Variants in PPP2R1A observed in about 807,000 individuals in gnomAD.
PPP2R1A encodes the protein serine/threonine-protein phosphatase 2A 65 kDa regulatory subunit A alpha isoform.
A neutral mutation model predicts 67.1 loss-of-function variants in PPP2R1A; 15 were observed. That is an observed-to-expected ratio of 0.22 (90% CI 0.15 to 0.34). The LOEUF (loss-of-function observed/expected upper bound fraction) is 0.34, where lower values mean the gene tolerates loss of function less well. Among genes scored for constraint, PPP2R1A ranks in the 10% least tolerant of loss-of-function variants. The pLI, the probability that PPP2R1A is intolerant of heterozygous loss-of-function variation, is 1.00. For missense variants in PPP2R1A, 369 were observed against 775.0 expected (o/e 0.48, Z 6.22); for synonymous variants, 337 against 325.0 (o/e 1.04, Z -0.40).
chr19:52,208,522 CAG>C lies in PPP2R1A; in HGVS notation c.270+2462_270+2463del, dbSNP rs1275009737. 2.7e-5 allele frequency among the ~76,000 whole-genome samples: 4 copies of C among 150,628 alleles called. No homozygotes were observed. In the East Asian group the frequency reaches 8.0e-4, roughly 30 times the overall value. On this transcript the variant is annotated intron_variant, in intron 3 of 14. Transcript: ENST00000322088. The stretch of plus-strand genomic sequence containing the variant: ...TTTTTATTTTTATTTTTCTTTGAGA[CAG>C]AGTCTCGCTCTGTCACCCAGGCTGG...
chr19:52,201,056 A>G (rs1337110830), intron 1 of PPP2R1A: 1 of 151,510 alleles, frequency 6.6e-6, no homozygotes, highest in South Asian at 2.1e-4. Flanking sequence ...CCCTCCGTTT[A>G]GGATGATATT....
intron 13 of PPP2R1A, among the ~76,000 whole-genome samples, chr19:52,223,050 A>C (rs1354370026): frequency 6.6e-6 from 1 of 152,222 alleles, no homozygotes; most frequent in Non-Finnish European, 1.5e-5. Flanking sequence ...ATGACACCAC[A>C]ATAATTAAAA....
At position 52,211,697 on chromosome 19, in the gene PPP2R1A, T is replaced by C. The variant is rs1461932169; in HGVS notation, c.503+205T>C. The C allele has an allele frequency of 5.1e-6, 3 of 594,048 alleles. No homozygotes were observed. Among genetic ancestry groups the C allele is most frequent in the Non-Finnish European group, 5.9e-6 (2 of 337,014 alleles). 36.8% of individuals were successfully genotyped at this position (594,048 alleles called of 1,614,324 possible). A position where few individuals can be genotyped will look rare whatever the true frequency, so the allele number is the denominator to read the frequency against. ...GTCAGTTTACCCACCTCTGCCCCCT[T>C]GCTCACTTAGGAATTGAGATGATGA... On this transcript the variant is annotated intron_variant, in intron 4 of 14. Transcript: ENST00000322088. The surrounding 1 kb of genome is among the most constrained non-coding windows in gnomAD (Gnocchi z 5.3).
In PPP2R1A at chr19:52,216,029, C is replaced by T. The variant is rs1390331017; in HGVS notation, c.948C>T (p.Asp316=). ...AGTTCTGTGAAAACCTCTCAGCTGACTGTCGGGAGAATGTGATCATGTCCC... is the reference window on the plus strand; with the variant it reads ...AGTTCTGTGAAAACCTCTCAGCTGATTGTCGGGAGAATGTGATCATGTCCC... The part of the protein sequence containing the change: ...VKEFCENLSA[D]CRENVIMSQI... The change falls in exon 8 of 15, where the codon GAC becomes GAT. Residue 316 remains aspartate (D), a synonymous_variant. Transcript: ENST00000322088. This position sits in a 1 kb window ranked among gnomAD's most constrained non-coding sequence, Gnocchi z 4.3. The T allele has an allele frequency of 1.2e-6, 2 of 1,614,106 alleles. No homozygotes were observed. Among genetic ancestry groups the T allele is most frequent in the Non-Finnish European group, 1.7e-6 (2 of 1,179,954 alleles).
chr19:52,195,286 G>T (rs1414198383), intron 1 of PPP2R1A, among the ~76,000 whole-genome samples: 1 of 152,122 alleles, frequency 6.6e-6, no homozygotes, highest in Admixed American at 6.5e-5. Flanking sequence ...AGGGTGGTAA[G>T]TGCTGTCATG....
chr19:52,192,372 A>G (rs932789397), intron 1 of PPP2R1A, among the ~76,000 whole-genome samples: 8 of 150,046 alleles, frequency 5.3e-5, no homozygotes, highest in African/African-American at 2.0e-4. Context: ...CACTGACGCG[A>G]TCTTTGCTCA....
At chr19:52,207,906 G>C (rs564390804) in intron 3 of PPP2R1A, among the ~76,000 whole-genome samples, 2 of 152,116 alleles carry the variant, frequency 1.3e-5, no homozygotes, top group African/African-American at 4.8e-5. Flanking sequence ...CAGGGAAGGC[G>C]CCTAACCTGC....
rs2122336124 is a variant in PPP2R1A at position 52,212,831 on chromosome 19, C to A, written c.649C>A (p.Gln217Lys). 1 of 1,598,082 alleles carries A rather than the reference C, an allele frequency of 6.3e-7. No individual in the cohort carries two copies. The highest frequency in any genetic ancestry group is 8.5e-7 in the Non-Finnish European group (1 of 1,170,492). ...PMFSNLASDE[Q>K]DSVRLLAVEA... ...GTTCTCCAACCTGGCCTCTGACGAG[C>A]AGGTGAGTTTTGCTTCCTGGCCCTC... The change falls in exon 5 of 15, where the codon CAG becomes AAG. Residue 217 changes from glutamine (Q) to lysine (K), a missense_variant and splice_region_variant. Coordinates refer to ENST00000322088, the MANE Select transcript of PPP2R1A (RefSeq NM_014225.6). This position sits in a 1 kb window ranked among gnomAD's most constrained non-coding sequence, Gnocchi z 4.1.
intron 1 of PPP2R1A, among the ~76,000 whole-genome samples, chr19:52,192,861 C>G (rs1164035545): frequency 2.0e-5 from 3 of 152,138 alleles, no homozygotes; most frequent in Non-Finnish European, 4.4e-5. Flanking sequence ...CATTCCACCC[C>G]CCAGGAACCG....
intron 2 of PPP2R1A, 92 bp from the exon 3 acceptor site, chr19:52,205,871 C>A: frequency 9.6e-7 from 1 of 1,039,180 alleles, no homozygotes. Flanking sequence ...TGCTGACAGC[C>A]TGAGGAAGCA....
chr19:52,190,476 G>C (rs1326923631), intron 1 of PPP2R1A, among the ~76,000 whole-genome samples: 1 of 152,176 alleles, frequency 6.6e-6, no homozygotes, highest in Non-Finnish European at 1.5e-5. Context: ...CTGGGTCTGG[G>C]AGAGAGGAGG....
rs1979309519 is a variant in PPP2R1A, at chr19:52,227,060, C to T, written c.*1079C>T. The T allele has an allele frequency of 1.3e-5, 2 of 152,130 alleles. No individual in the cohort carries two copies. The highest frequency in any genetic ancestry group is 2.4e-5 in the African/African-American group (1 of 41,416). 9.4% of individuals were successfully genotyped at this position (152,130 alleles called of 1,614,324 possible). A position where few individuals can be genotyped will look rare whatever the true frequency, so the allele number is the denominator to read the frequency against. Reference sequence around the variant, plus strand: ...TCAGTTATCTCGGTATCTATTCTCCCCTTCCTAATGTAGAAGCTCTGATTT... The same window carrying T: ...TCAGTTATCTCGGTATCTATTCTCCTCTTCCTAATGTAGAAGCTCTGATTT... On this transcript the variant is annotated 3_prime_UTR_variant, in exon 15 of 15. Coordinates refer to ENST00000322088, the MANE Select transcript of PPP2R1A (RefSeq NM_014225.6).
rs1011615565 is a variant in PPP2R1A, at chr19:52,213,662, T to C, written c.807+552T>C. 6.6e-6 allele frequency among the ~76,000 whole-genome samples: 1 copy of C among 151,880 alleles called. No individual in the cohort carries two copies. Among genetic ancestry groups the C allele is most frequent in the Non-Finnish European group, 1.5e-5 (1 of 67,980 alleles). Reference sequence around the variant, plus strand: ...GACACCCGGCTAGTTTTTGTATTTTTATTAGAGACGGGGTTTCACCATGTT... The same window carrying C: ...GACACCCGGCTAGTTTTTGTATTTTCATTAGAGACGGGGTTTCACCATGTT... On this transcript the variant is annotated intron_variant, in intron 6 of 14. Coordinates refer to ENST00000322088, the MANE Select transcript of PPP2R1A (RefSeq NM_014225.6). The surrounding 1 kb of genome is among the most constrained non-coding windows in gnomAD (Gnocchi z 4.2).
Position 52,226,227 on chromosome 19 carries a change from G to A in PPP2R1A, c.*246G>A, listed in dbSNP as rs113187868. The A allele has an allele frequency of 6.2e-4, 363 of 581,390 alleles. 1 individual carries two copies. The highest frequency in any genetic ancestry group is 5.8e-3 in the African/African-American group (314 of 53,800). 36.0% of individuals were successfully genotyped at this position (581,390 alleles called of 1,614,324 possible). A position where few individuals can be genotyped will look rare whatever the true frequency, so the allele number is the denominator to read the frequency against. On this transcript the variant is annotated 3_prime_UTR_variant, in exon 15 of 15. Transcript: ENST00000322088. ...GACCTTGGGAGGAAGGGGCTACTCCGCCCACGTCAGGGAGAGATGTGAGCA... is the reference window on the plus strand; with the variant it reads ...GACCTTGGGAGGAAGGGGCTACTCCACCCACGTCAGGGAGAGATGTGAGCA...
chr19:52,191,792 A>T (rs888339227), intron 1 of PPP2R1A, among the ~76,000 whole-genome samples: 2 of 152,212 alleles, frequency 1.3e-5, no homozygotes, highest in African/African-American at 4.8e-5. Context: ...CAGTTGCTAT[A>T]CAGGATCCAG....
chr19:52,197,841 C>T (rs952943549), intron 1 of PPP2R1A, among the ~76,000 whole-genome samples: 2 of 152,130 alleles, frequency 1.3e-5, no homozygotes, highest in Middle Eastern at 3.2e-3. Flanking sequence ...ACGGGGGATT[C>T]TGTATTTCCC....
At chr19:52,199,695 A>G (rs576162775) in intron 1 of PPP2R1A, among the ~76,000 whole-genome samples, 10 of 152,300 alleles carry the variant, frequency 6.6e-5, no homozygotes, top group African/African-American at 9.6e-5. Context: ...AAAGCTGAAA[A>G]TAATTACTGT....
Position 52,213,203 on chromosome 19 carries a change from A to G in PPP2R1A, c.807+93A>G. 1.4e-6 allele frequency: 2 copies of G among 1,416,190 alleles called. No homozygotes were observed. Among genetic ancestry groups the G allele is most frequent in the Non-Finnish European group, 1.8e-6 (2 of 1,081,530 alleles). 87.7% of individuals were successfully genotyped at this position (1,416,190 alleles called of 1,614,324 possible). A position where few individuals can be genotyped will look rare whatever the true frequency, so the allele number is the denominator to read the frequency against. ...AGGAGCTGAGGTTTCCATTAGGCCG[A>G]TGGAACCATTGGGCGTTTGAGCAAT... On this transcript the variant is annotated intron_variant, in intron 6 of 14. Transcript: ENST00000322088. This position sits in a 1 kb window ranked among gnomAD's most constrained non-coding sequence, Gnocchi z 4.2.
chr19:52,204,717 G>A (rs2089584989), intron 2 of PPP2R1A, among the ~76,000 whole-genome samples: 1 of 152,184 alleles, frequency 6.6e-6, no homozygotes, highest in African/African-American at 2.4e-5. Context: ...CTGAGGCTGG[G>A]AACGAGCCTA....
Sources: gnomAD v4.1 joint callset for allele counts (sites outside exome capture counted in the v4.1 genomes callset) on GRCh38, gnomAD v4.1.1 for gene constraint, Gnocchi (gnomAD v3.1) non-coding constraint, MANE v1.5 for transcripts, NCBI Gene and HGNC (gene_info 2026-07-23, HGNC 2026-07-21) for gene names.